The following SORCS3 variants were observed in gnomAD, a reference collection of about 807,000 sequenced individuals.
SORCS3 encodes sortilin related VPS10 domain containing receptor 3.
Under a neutral mutation model 146.3 loss-of-function variants are expected in SORCS3, and 57 were observed. The observed-to-expected ratio is 0.39, with a 90% CI of 0.31 to 0.49. The LOEUF (loss-of-function observed/expected upper bound fraction) is 0.49, where lower values mean the gene tolerates loss of function less well. Among genes scored for constraint, SORCS3 ranks in the 20% least tolerant of loss-of-function variants. SORCS3 has a pLI of 0.92. For synonymous variants in SORCS3, 653 were observed against 618.5 expected, an observed-to-expected ratio of 1.06 and a Z score of -0.83; for missense variants, 1,341 against 1,575.5, an observed-to-expected ratio of 0.85 and a Z score of 2.52.
chr10:105,182,253 T>TTTTTTTTTTTTTTTCTG (rs55643624), intron 14 of SORCS3, among the ~76,000 whole-genome samples: 1 of 98,788 alleles, frequency 1.0e-5, no homozygotes, highest in Non-Finnish European at 2.2e-5. Context: ...TTTTTTTTTT[T>TTTTTTTTTTTTTTTCTG]GTGCCAGGTA....
chr10:105,104,389 G>T (rs774843470), intron 6 of SORCS3, among the ~76,000 whole-genome samples: 1 of 152,066 alleles, frequency 6.6e-6, no homozygotes, highest in Non-Finnish European at 1.5e-5. Flanking sequence ...CAAAAAAACC[G>T]AATGGATTCC....
In SORCS3 at chr10:104,842,176, C is replaced by T. The variant is rs923624600; in HGVS notation, c.628-616C>T. Among the ~76,000 whole-genome samples the T allele has an allele frequency of 6.6e-4, 101 of 152,284 alleles. 1 individual carries two copies. Among genetic ancestry groups the T allele is most frequent in the African/African-American group, 2.3e-3 (95 of 41,576 alleles). ...GATGTCAAGAAAGTGGTCATGGAGT[C>T]CAGTGGGGTTCAATGATCTGCTTAC... On this transcript the variant is annotated intron_variant, in intron 1 of 26. Transcript: ENST00000369701.
At chr10:104,702,480 G>C (rs1378426092) in intron 1 of SORCS3, among the ~76,000 whole-genome samples, 1 of 152,050 alleles carries the variant, frequency 6.6e-6, no homozygotes, top group Non-Finnish European at 1.5e-5. Context: ...TAGAGATGGG[G>C]TTTCACCATG....
chr10:104,947,029 C>T (rs1488458064), intron 3 of SORCS3, among the ~76,000 whole-genome samples: 1 of 152,046 alleles, frequency 6.6e-6, no homozygotes, highest in Non-Finnish European at 1.5e-5. Context: ...CGGTCCCTGG[C>T]ATGGAAGATT....
At chr10:104,990,846 T>C (rs2054989783) in intron 4 of SORCS3, among the ~76,000 whole-genome samples, 1 of 152,168 alleles carries the variant, frequency 6.6e-6, no homozygotes, top group African/African-American at 2.4e-5. Context: ...CCAGAAGGAA[T>C]GCAGTCTGGC....
intron 1 of SORCS3, among the ~76,000 whole-genome samples, chr10:104,760,925 A>G (rs2017114763): frequency 2.0e-5 from 3 of 149,168 alleles, no homozygotes; most frequent in African/African-American, 7.4e-5. Flanking sequence ...TTTTTTCTCC[A>G]TTTGTTTTAT....
At chr10:104,656,906 A>G (rs2015638719) in intron 1 of SORCS3, among the ~76,000 whole-genome samples, 1 of 152,126 alleles carries the variant, frequency 6.6e-6, no homozygotes, top group Non-Finnish European at 1.5e-5. Context: ...GATGTAGTTG[A>G]TTGTGTCATT....
At chr10:105,188,680 G>A (rs1311655270) in intron 14 of SORCS3, among the ~76,000 whole-genome samples, 1 of 152,206 alleles carries the variant, frequency 6.6e-6, no homozygotes, top group Admixed American at 6.5e-5. Context: ...TGCTGCATTT[G>A]TAAGTTATTG....
At chr10:105,225,876 A>C (rs922793749) in intron 20 of SORCS3, among the ~76,000 whole-genome samples, 6 of 151,930 alleles carry the variant, frequency 3.9e-5, no homozygotes, top group African/African-American at 1.4e-4. Flanking sequence ...TTTTGTTTTA[A>C]TTGGTATGTA....
At chr10:104,767,255 A>G (rs572269888) in intron 1 of SORCS3, among the ~76,000 whole-genome samples, 1 of 152,332 alleles carries the variant, frequency 6.6e-6, no homozygotes, top group East Asian at 1.9e-4. Context: ...TAAATACTTG[A>G]GTAGTGGGCA....
chr10:104,891,641 A>G (rs1192210607), intron 2 of SORCS3, among the ~76,000 whole-genome samples: 1 of 152,008 alleles, frequency 6.6e-6, no homozygotes, highest in Non-Finnish European at 1.5e-5. Flanking sequence ...GTTGTTTTAT[A>G]TGTTTTATTA....
chr10:104,858,656 C>T (rs1366388032), intron 2 of SORCS3, among the ~76,000 whole-genome samples: 1 of 148,414 alleles, frequency 6.7e-6, no homozygotes, highest in Non-Finnish European at 1.5e-5. Flanking sequence ...GAGTCTCGCT[C>T]TGTCGCCCAG....
At chr10:105,109,684 C>T (rs2055846462) in intron 7 of SORCS3, among the ~76,000 whole-genome samples, 1 of 151,940 alleles carries the variant, frequency 6.6e-6, no homozygotes, top group Non-Finnish European at 1.5e-5. Flanking sequence ...TCATATTTTT[C>T]ATTAAGGCAT....
intron 9 of SORCS3, among the ~76,000 whole-genome samples, chr10:105,152,740 T>G (rs2056176283): frequency 6.6e-6 from 1 of 152,198 alleles, no homozygotes; most frequent in African/African-American, 2.4e-5. Flanking sequence ...GTGGCTACTG[T>G]TTTGGATTGC....
chr10:104,889,064 GT>G lies in SORCS3; in HGVS notation c.696-26762del, dbSNP rs1457099285. Among the ~76,000 whole-genome samples the G allele has an allele frequency of 2.6e-5, 4 of 151,944 alleles. No homozygotes were observed. In the East Asian group the frequency reaches 7.7e-4, roughly 29 times the overall value. On this transcript the variant is annotated intron_variant, in intron 2 of 26. Transcript: ENST00000369701. Reference sequence around the variant, plus strand: ...ATATTTCTCTTTATCTGTGGTAGTTGTTTTTTTGGCTCTGAAATCTACTTTT... The same window carrying G: ...ATATTTCTCTTTATCTGTGGTAGTTGTTTTTTGGCTCTGAAATCTACTTTT...
At chr10:105,166,208 C>CAT (rs1371310461) in intron 12 of SORCS3, among the ~76,000 whole-genome samples, 2 of 152,066 alleles carry the variant, frequency 1.3e-5, no homozygotes, top group Non-Finnish European at 2.9e-5. Context: ...TTCCCTGGGG[C>CAT]ATATATATAG....
chr10:104,832,923 C>CTTGGTAT (rs2018017981), intron 1 of SORCS3, among the ~76,000 whole-genome samples: 1 of 152,104 alleles, frequency 6.6e-6, no homozygotes, highest in Non-Finnish European at 1.5e-5. Flanking sequence ...ATGTTCAGAC[C>CTTGGTAT]TTGGTATTTG....
chr10:105,127,258 T>C (rs2055982736), intron 7 of SORCS3, among the ~76,000 whole-genome samples: 1 of 152,094 alleles, frequency 6.6e-6, no homozygotes, highest in Admixed American at 6.6e-5. Flanking sequence ...GAAGGCATGG[T>C]GTTGTCAACC....
At chr10:104,963,245 T>C (rs1218895128) in intron 3 of SORCS3, among the ~76,000 whole-genome samples, 1 of 152,220 alleles carries the variant, frequency 6.6e-6, no homozygotes, top group East Asian at 1.9e-4. Flanking sequence ...TATTGCCACA[T>C]TGGTTTTCAG....
Sources: allele counts gnomAD v4.1 joint callset (sites outside exome capture counted in the v4.1 genomes callset), GRCh38; gene constraint gnomAD v4.1.1; transcripts MANE v1.5; gene names NCBI Gene and HGNC (gene_info 2026-07-23, HGNC 2026-07-21).